NAALADL2: variants seen among roughly 807,000 people sequenced by gnomAD.
NAALADL2 encodes N-acetylated alpha-linked acidic dipeptidase like 2.
In NAALADL2, 76 loss-of-function variants were observed where a neutral mutation model predicts 87.2. That is an observed-to-expected ratio of 0.87 (90% CI 0.72 to 1.05). The LOEUF (loss-of-function observed/expected upper bound fraction) is 1.05. Ranked by LOEUF, NAALADL2 falls within the 50% of genes least tolerant of loss-of-function variation. The pLI is 0.00. For synonymous variants in NAALADL2, 354 were observed against 331.0 expected, an observed-to-expected ratio of 1.07 and a Z score of -0.75; for missense variants, 1,089 against 945.8, an observed-to-expected ratio of 1.15 and a Z score of -1.99.
At chr3:175,473,789 T>C (rs1309178233) in intron 9 of NAALADL2, among the ~76,000 whole-genome samples, 1 of 152,018 alleles carries the variant, frequency 6.6e-6, no homozygotes, top group Non-Finnish European at 1.5e-5. Context: ...TTTTTTGAAA[T>C]AAAAAAGAAC....
chr3:175,602,808 T>A (rs1043852612), intron 10 of NAALADL2, among the ~76,000 whole-genome samples: 2 of 152,094 alleles, frequency 1.3e-5, no homozygotes, highest in Non-Finnish European at 2.9e-5. Context: ...ATATGCAGGG[T>A]TTGTAACATT....
intron 1 of NAALADL2, among the ~76,000 whole-genome samples, chr3:174,943,011 C>T (rs186833593): frequency 5.3e-5 from 8 of 152,254 alleles, no homozygotes; most frequent in Middle Eastern, 3.4e-3. Context: ...TGTTTCTATA[C>T]GTATTCCAAA....
intron 2 of NAALADL2, among the ~76,000 whole-genome samples, chr3:175,188,709 A>G (rs955944597): frequency 6.6e-6 from 1 of 152,124 alleles, no homozygotes; most frequent in Admixed American, 6.5e-5. Context: ...CTGGTGCCCA[A>G]GCCACAAATG....
At chr3:175,293,717 T>C (rs1401466482) in intron 4 of NAALADL2, among the ~76,000 whole-genome samples, 1 of 152,188 alleles carries the variant, frequency 6.6e-6, no homozygotes, top group African/African-American at 2.4e-5. Flanking sequence ...GAAGATGACA[T>C]CTATGAACCT....
intron 3 of NAALADL2, among the ~76,000 whole-genome samples, chr3:175,244,044 C>T (rs1747505659): frequency 6.6e-6 from 1 of 152,120 alleles, no homozygotes; most frequent in African/African-American, 2.4e-5. Context: ...AACACAGCAA[C>T]GATGTCTCTC....
chr3:174,784,878 T>C (rs916069711), intron 3 of NAALADL2, among the ~76,000 whole-genome samples: 1 of 152,210 alleles, frequency 6.6e-6, no homozygotes, highest in Admixed American at 6.5e-5. Flanking sequence ...CTTGAAGTGT[T>C]TCCTTTTCTT....
chr3:174,717,770 T>G (rs1731329770), intron 2 of NAALADL2, among the ~76,000 whole-genome samples: 1 of 152,216 alleles, frequency 6.6e-6, no homozygotes, highest in African/African-American at 2.4e-5. Flanking sequence ...GAATTGTATT[T>G]TTTTTTCTCC....
intron 2 of NAALADL2, among the ~76,000 whole-genome samples, chr3:174,733,359 A>G (rs1395601294): frequency 1.3e-5 from 2 of 152,248 alleles, no homozygotes; most frequent in Non-Finnish European, 2.9e-5. Context: ...ATGTTGGGAT[A>G]GGAAAAGCAA....
At chr3:174,769,756 GT>G (rs1026603629) in intron 3 of NAALADL2, among the ~76,000 whole-genome samples, 2 of 150,864 alleles carry the variant, frequency 1.3e-5, no homozygotes, top group Admixed American at 6.6e-5. Flanking sequence ...ACAATTAAAA[GT>G]TTTTTTCTCT....
At chr3:174,780,523 A>G (rs1457174487) in intron 3 of NAALADL2, among the ~76,000 whole-genome samples, 1 of 152,146 alleles carries the variant, frequency 6.6e-6, no homozygotes, top group Non-Finnish European at 1.5e-5. Context: ...ATTATGTTGA[A>G]TAGGAGTGGT....
intron 11 of NAALADL2, among the ~76,000 whole-genome samples, chr3:175,694,421 A>G (rs1167088139): frequency 6.6e-6 from 1 of 152,212 alleles, no homozygotes; most frequent in Non-Finnish European, 1.5e-5. Context: ...GAGTATATAA[A>G]CAACATGTTC....
chr3:175,139,664 T>A (rs1474690016), intron 2 of NAALADL2, among the ~76,000 whole-genome samples: 1 of 146,406 alleles, frequency 6.8e-6, no homozygotes, highest in East Asian at 2.0e-4. Context: ...AAATTCATTA[T>A]TCTAACCCTA....
At chr3:175,421,412 A>G (rs1715675133) in intron 5 of NAALADL2, among the ~76,000 whole-genome samples, 1 of 152,074 alleles carries the variant, frequency 6.6e-6, no homozygotes, top group Non-Finnish European at 1.5e-5. Context: ...GTATTTTAAT[A>G]TGTCCTCAAG....
chr3:174,675,656 A>G (rs1398346918), intron 2 of NAALADL2, among the ~76,000 whole-genome samples: 1 of 152,090 alleles, frequency 6.6e-6, no homozygotes, highest in Non-Finnish European at 1.5e-5. Context: ...CTCTGAGTAT[A>G]ATGAAAGCCA....
intron 3 of NAALADL2, among the ~76,000 whole-genome samples, chr3:174,853,953 G>T (rs1210033163): frequency 2.0e-5 from 3 of 152,054 alleles, no homozygotes; most frequent in Non-Finnish European, 2.9e-5. Context: ...ATTATAGTCA[G>T]TATGGAAAAC....
chr3:174,834,486 A>G (rs2109388066), intron 3 of NAALADL2, among the ~76,000 whole-genome samples: 1 of 152,114 alleles, frequency 6.6e-6, no homozygotes, highest in Non-Finnish European at 1.5e-5. Context: ...TTAAAGGAAT[A>G]GAGTTTGAAA....
chr3:174,696,236 G>T (rs1292338832), intron 2 of NAALADL2, among the ~76,000 whole-genome samples: 2 of 151,950 alleles, frequency 1.3e-5, no homozygotes, highest in African/African-American at 2.4e-5. Flanking sequence ...ATATTATAAA[G>T]TAGACATCTA....
chr3:175,778,818 G>C (rs529006811), intron 13 of NAALADL2, among the ~76,000 whole-genome samples: 1 of 152,116 alleles, frequency 6.6e-6, no homozygotes, highest in African/African-American at 2.4e-5. Context: ...TGTCTTGTAC[G>C]GGTAAGGGAG....
intron 2 of NAALADL2, among the ~76,000 whole-genome samples, chr3:174,573,440 G>C (rs1159829715): frequency 6.6e-6 from 1 of 152,062 alleles, no homozygotes; most frequent in Non-Finnish European, 1.5e-5. Context: ...GCCAAAATTT[G>C]CTGATCGCAT....
Sources: gnomAD v4.1 joint callset for allele counts (sites outside exome capture counted in the v4.1 genomes callset) on GRCh38, gnomAD v4.1.1 for gene constraint, MANE v1.5 for transcripts, NCBI Gene and HGNC (gene_info 2026-07-23, HGNC 2026-07-21) for gene names.